The following ASCC3 variants were observed in gnomAD, a reference collection of about 807,000 sequenced individuals.
ASCC3 encodes ASC-1 complex subunit P200.
Under a neutral mutation model 256.3 loss-of-function variants are expected in ASCC3, and 158 were observed. The observed-to-expected ratio is 0.62, with a 90% CI of 0.54 to 0.70. The LOEUF (loss-of-function observed/expected upper bound fraction) is 0.70. ASCC3 is among the 30% of genes least tolerant of loss of function. ASCC3 has a pLI of 0.00. For missense variants in ASCC3, 2,259 were observed against 2,626.0 expected (o/e 0.86, Z 3.05); for synonymous variants, 948 against 883.4 (o/e 1.07, Z -1.30).
At chr6:100,784,113 T>C (rs1298061077) in intron 8 of ASCC3, among the ~76,000 whole-genome samples, 1 of 152,176 alleles carries the variant, frequency 6.6e-6, no homozygotes, top group Admixed American at 6.5e-5. Context: ...TACTTTACAC[T>C]TTTATTTTTA....
rs1780390398 is a variant in ASCC3, at chr6:100,740,617, T to G, written c.1738-14914A>C. Among the ~76,000 whole-genome samples the G allele has an allele frequency of 2.0e-5, 3 of 152,336 alleles. No individual in the cohort carries two copies. The South Asian group carries it at 6.2e-4, about 32-fold the overall frequency. ...CCTGCTTTATGAATCTGGGTGCTCC[T>G]GTATTGGACACATATATTTAGGTTA... is the stretch of plus-strand genomic sequence containing the variant. On this transcript the variant is annotated intron_variant, in intron 10 of 41. Coordinates refer to ENST00000369162, the MANE Select transcript of ASCC3 (RefSeq NM_006828.4).
chr6:100,853,841 G>T (rs561034608), intron 3 of ASCC3, among the ~76,000 whole-genome samples: 44 of 152,126 alleles, frequency 2.9e-4, no homozygotes, highest in Middle Eastern at 3.4e-3. Flanking sequence ...TGATTTTTTT[G>T]AATCTGGCAA....
intron 36 of ASCC3, among the ~76,000 whole-genome samples, chr6:100,576,231 A>T (rs1198882858): frequency 1.3e-5 from 2 of 152,066 alleles, no homozygotes; most frequent in Non-Finnish European, 2.9e-5. Context: ...AAGGGTTCTT[A>T]TGAAACACCT....
Position 100,864,182 on chromosome 6 carries a change from T to C in ASCC3, c.123A>G (p.Leu41=). The change falls in exon 3 of 42, where the codon TTA becomes TTG. Residue 41 remains leucine, a synonymous_variant. Coordinates refer to ENST00000369162, the MANE Select transcript of ASCC3 (RefSeq NM_006828.4). ...TCTTCTTCCATGTCAGGCCCAAATCTAAAACTTGTTCATGAAGTTTAGATC... is the reference window on the plus strand; with the variant it reads ...TCTTCTTCCATGTCAGGCCCAAATCCAAAACTTGTTCATGAAGTTTAGATC... ...IKRSKLHEQV[L]DLGLTWKKII... is the part of the protein sequence containing the mutation. 6 of 1,606,178 alleles carry C rather than the reference T, an allele frequency of 3.7e-6. No homozygotes were observed. The highest frequency in any genetic ancestry group is 5.1e-6 in the Non-Finnish European group (6 of 1,174,888).
At chr6:100,834,158 T>C (rs546180096) in intron 4 of ASCC3, among the ~76,000 whole-genome samples, 8 of 152,168 alleles carry the variant, frequency 5.3e-5, no homozygotes, top group African/African-American at 1.9e-4. Flanking sequence ...AAGGAGGGAA[T>C]CAGTGACTAA....
chr6:100,799,699 C>A, intron 6 of ASCC3, 127 bp from the exon 7 acceptor site: 1 of 975,004 alleles, frequency 1.0e-6, no homozygotes, highest in Non-Finnish European at 1.5e-6. Flanking sequence ...TTAAACTACA[C>A]AAAGGAAGAT....
At chr6:100,823,231 A>G (rs1212947399) in intron 4 of ASCC3, among the ~76,000 whole-genome samples, 1 of 152,172 alleles carries the variant, frequency 6.6e-6, no homozygotes, top group South Asian at 2.1e-4. Context: ...CAAGATTTGC[A>G]CTACAAACTA....
intron 14 of ASCC3, among the ~76,000 whole-genome samples, chr6:100,667,506 G>T (rs1776538875): frequency 6.6e-6 from 1 of 152,096 alleles, no homozygotes; most frequent in Non-Finnish European, 1.5e-5. Flanking sequence ...CTTCACAGTT[G>T]TGCTAAGACC....
chr6:100,837,095 C>A (rs1375752745), intron 4 of ASCC3, among the ~76,000 whole-genome samples: 1 of 151,808 alleles, frequency 6.6e-6, no homozygotes, highest in Non-Finnish European at 1.5e-5. Flanking sequence ...TGAAAACATA[C>A]AAAAGGCCAA....
intron 10 of ASCC3, among the ~76,000 whole-genome samples, chr6:100,734,562 G>A (rs1780057188): frequency 2.0e-5 from 3 of 152,062 alleles, no homozygotes; most frequent in African/African-American, 7.2e-5. Context: ...TACCTTTTAG[G>A]TTTCTTGTGA....
At chr6:100,664,265 T>C (rs1005463982) in intron 14 of ASCC3, among the ~76,000 whole-genome samples, 2 of 152,110 alleles carry the variant, frequency 1.3e-5, no homozygotes, top group East Asian at 1.9e-4. Flanking sequence ...GGCTGGATAA[T>C]GGCAGGGAGT....
At chr6:100,544,566 T>C (rs1775617608) in intron 36 of ASCC3, among the ~76,000 whole-genome samples, 1 of 151,702 alleles carries the variant, frequency 6.6e-6, no homozygotes, top group Non-Finnish European at 1.5e-5. Context: ...AAAACTAAGA[T>C]GAAATAGATA....
At chr6:100,576,785 C>T (rs1770887572) in intron 36 of ASCC3, among the ~76,000 whole-genome samples, 1 of 151,680 alleles carries the variant, frequency 6.6e-6, no homozygotes, top group African/African-American at 2.4e-5. Context: ...TTGCTTTCCA[C>T]CCAGACTAGA....
At chr6:100,754,368 T>C (rs539384871) in intron 10 of ASCC3, among the ~76,000 whole-genome samples, 33 of 152,266 alleles carry the variant, frequency 2.2e-4, no homozygotes, top group Admixed American at 1.3e-3. Context: ...ACACAGTAGG[T>C]ATTTATGAGG....
rs948481290 is a variant in ASCC3, at chr6:100,595,583, T to C, written c.5304-5524A>G. On this transcript the variant is annotated intron_variant, in intron 34 of 41. Coordinates refer to ENST00000369162, the MANE Select transcript of ASCC3 (RefSeq NM_006828.4). Reference sequence around the variant, plus strand: ...GGTCATTTGAGTGAGTATGGCAGAGTTTCCATAAAGAACCCATTGTTCAGC... The same window carrying C: ...GGTCATTTGAGTGAGTATGGCAGAGCTTCCATAAAGAACCCATTGTTCAGC... Among the ~76,000 whole-genome samples the C allele has an allele frequency of 3.3e-5, 5 of 152,154 alleles. No homozygotes were observed. In the East Asian group the frequency reaches 7.7e-4, roughly 23 times the overall value.
intron 17 of ASCC3, among the ~76,000 whole-genome samples, chr6:100,654,968 G>A (rs1775846248): frequency 6.6e-6 from 1 of 151,724 alleles, no homozygotes; most frequent in Non-Finnish European, 1.5e-5. Flanking sequence ...CTATAATTTT[G>A]AATAAAGTTC....
intron 13 of ASCC3, among the ~76,000 whole-genome samples, chr6:100,707,054 C>T (rs1778621457): frequency 6.6e-6 from 1 of 152,186 alleles, no homozygotes; most frequent in African/African-American, 2.4e-5. Flanking sequence ...CTATCATCCT[C>T]ATCTCACAAG....
At chr6:100,868,195 G>C (rs1360194002) in intron 1 of ASCC3, among the ~76,000 whole-genome samples, 157 bp from the exon 2 acceptor site, 1 of 152,158 alleles carries the variant, frequency 6.6e-6, no homozygotes, top group Non-Finnish European at 1.5e-5. Context: ...TTCTATCCAT[G>C]AAGTTTTTTT....
chr6:100,780,161 A>T (rs901706866), intron 8 of ASCC3, among the ~76,000 whole-genome samples: 2 of 152,136 alleles, frequency 1.3e-5, no homozygotes, highest in African/African-American at 4.8e-5. Flanking sequence ...CTAAAATATC[A>T]TCTTAATATG....
Sources: allele counts gnomAD v4.1 joint callset (sites outside exome capture counted in the v4.1 genomes callset), GRCh38; gene constraint gnomAD v4.1.1; transcripts MANE v1.5; gene names NCBI Gene and HGNC (gene_info 2026-07-23, HGNC 2026-07-21).